The following MRPS18B variants were observed in gnomAD, a reference collection of about 807,000 sequenced individuals.
MRPS18B encodes mitochondrial ribosomal protein S18B.
Under a neutral mutation model 28.4 loss-of-function variants are expected in MRPS18B, and 27 were observed. The ratio of observed to expected loss-of-function variants is 0.95; its 90% confidence interval spans 0.70 to 1.31. The LOEUF is 1.31. MRPS18B is among the 40% of genes most tolerant of loss of function. The pLI is 0.00. For synonymous variants in MRPS18B, 118 were observed against 123.7 expected (o/e 0.95, Z 0.30); for missense variants, 343 against 335.9 (o/e 1.02, Z -0.17).
In MRPS18B at chr6:30,625,505, T is replaced by C; in HGVS notation, c.485T>C (p.Leu162Pro). The C allele has an allele frequency of 1.9e-6, 3 of 1,553,144 alleles. No individual in the cohort carries two copies. The highest frequency in any genetic ancestry group is 2.6e-6 in the Non-Finnish European group (3 of 1,144,984). Reference sequence around the variant, plus strand: ...CTTTTCTTTTTTAATCCCTTAGGTCTCCTCATTTACCACATCCCCCAGGTT... The same window carrying C: ...CTTTTCTTTTTTAATCCCTTAGGTCCCCTCATTTACCACATCCCCCAGGTT... Reference protein sequence around the residue: ...QAIQKARDHGLLIYHIPQVEP... With the variant: ...QAIQKARDHGPLIYHIPQVEP... The change falls in exon 7 of 7, where the codon CTC becomes CCC. Residue 162 changes from leucine (L) to proline (P), a missense_variant. Leu to Pro is a moderately conservative substitution (Grantham distance 98, BLOSUM62 -3). Coordinates refer to ENST00000259873, the MANE Select transcript of MRPS18B (RefSeq NM_014046.4).
rs779151147 is a variant in MRPS18B at position 30,617,842 on chromosome 6, T to C, written c.-24T>C. 1 of 1,613,948 alleles carries C rather than the reference T, an allele frequency of 6.2e-7. No homozygotes were observed. The highest frequency in any genetic ancestry group is 1.7e-5 in the Admixed American group (1 of 60,002). ...GCATGCGCAGTTGCCTTTCCGTCAA[T>C]TCCTGTCCTGGGCGTACGTCAAGAT... On this transcript the variant is annotated 5_prime_UTR_variant, in exon 1 of 7. Transcript: ENST00000259873.
chr6:30,624,637 T>C (rs2270172), intron 5 of MRPS18B, among the ~76,000 whole-genome samples: 7,883 of 152,160 alleles, frequency 0.052, 343 homozygotes, highest in African/African-American at 0.11. Flanking sequence ...GTCTTGGAGG[T>C]TTTACCATTA....
In MRPS18B at chr6:30,622,919, C is replaced by G. The variant is rs188964349; in HGVS notation, c.421+21C>G. 4 of 1,609,692 alleles carry G rather than the reference C, an allele frequency of 2.5e-6. No individual in the cohort carries two copies. In the Admixed American group the frequency reaches 5.0e-5, roughly 20 times the overall value. Reference sequence around the variant, plus strand: ...CACAGGTTAGCCCATCATCCCTGCACCACCAGAGAGCTTTTCCTTGTGGCA... The same window carrying G: ...CACAGGTTAGCCCATCATCCCTGCAGCACCAGAGAGCTTTTCCTTGTGGCA... On this transcript the variant is annotated intron_variant, in intron 5 of 6. Coordinates refer to ENST00000259873, the MANE Select transcript of MRPS18B (RefSeq NM_014046.4).
intron 6 of MRPS18B, among the ~76,000 whole-genome samples, chr6:30,625,152 C>A (rs1250672880): frequency 6.6e-6 from 1 of 152,194 alleles, no homozygotes; most frequent in African/African-American, 2.4e-5. Flanking sequence ...ATCCTTTTCC[C>A]TCCTATTTTA....
intron 1 of MRPS18B, 133 bp downstream of exon 1, chr6:30,618,076 A>G (rs1479070741): frequency 1.3e-5 from 11 of 849,684 alleles, no homozygotes; most frequent in Non-Finnish European, 2.0e-5. Flanking sequence ...TACTTCCTGC[A>G]ACCCCCCCCC....
intron 4 of MRPS18B, among the ~76,000 whole-genome samples, chr6:30,620,483 C>T (rs1019603038): frequency 6.6e-6 from 1 of 152,102 alleles, no homozygotes; most frequent in South Asian, 2.1e-4. Flanking sequence ...AACATCCCTC[C>T]AGCCTTTTAC....
At chr6:30,618,143 C>T (rs1444026206) in intron 1 of MRPS18B, among the ~76,000 whole-genome samples, 200 bp downstream of exon 1, 1 of 149,966 alleles carries the variant, frequency 6.7e-6, no homozygotes, top group East Asian at 2.0e-4. Context: ...GGTTAGGTAT[C>T]ATCCTTTTTC....
intron 1 of MRPS18B, among the ~76,000 whole-genome samples, chr6:30,618,883 T>C (rs2127462526): frequency 6.6e-6 from 1 of 152,306 alleles, no homozygotes; most frequent in South Asian, 2.1e-4. Flanking sequence ...AGTCAATTTA[T>C]TTCCAAAAAG....
chr6:30,626,021 C>A lies in MRPS18B; in HGVS notation c.*224C>A. 2.0e-6 allele frequency: 1 copy of A among 509,640 alleles called. No individual in the cohort carries two copies. The highest frequency in any genetic ancestry group is 3.4e-6 in the Non-Finnish European group (1 of 290,984). The allele number at this position is 509,640 out of a possible 1,614,324, so 31.6% of individuals were successfully genotyped here. A position where few individuals can be genotyped will look rare whatever the true frequency, so the allele number is the denominator to read the frequency against. ...GGAGGCTAAGGTAGGATCACTTGAT[C>A]CCAGGAGGCGGAGGTTGCAGTGAGT... On this transcript the variant is annotated 3_prime_UTR_variant, in exon 7 of 7. Coordinates refer to ENST00000259873, the MANE Select transcript of MRPS18B (RefSeq NM_014046.4).
In MRPS18B at chr6:30,619,578, C is replaced by G; in HGVS notation, c.164C>G (p.Pro55Arg). 1 of 1,612,780 alleles carries G rather than the reference C, an allele frequency of 6.2e-7. No individual in the cohort carries two copies. Among genetic ancestry groups the G allele is most frequent in the Non-Finnish European group, 8.5e-7 (1 of 1,179,840 alleles). The change falls in exon 2 of 7, where the codon CCC (proline) becomes CGC (arginine). Residue 55 changes from proline (P) to arginine (R), a missense_variant. Coordinates refer to ENST00000259873, the MANE Select transcript of MRPS18B (RefSeq NM_014046.4). ...SVPISPYKDE[P>R]WKYLESEEYQ... ...CCCATTTCTCCTTATAAGGATGAGCCCTGGAAATATCTGGAATCAGAAGGT... is the reference window on the plus strand; with the variant it reads ...CCCATTTCTCCTTATAAGGATGAGCGCTGGAAATATCTGGAATCAGAAGGT...
chr6:30,620,169 T>G, intron 4 of MRPS18B, 180 bp downstream of exon 4: 1 of 589,690 alleles, frequency 1.7e-6, no homozygotes. Flanking sequence ...TACAAAAAAT[T>G]AGCCGGTTGT....
chr6:30,619,800 ATGTAT>A lies in MRPS18B; in HGVS notation c.283_285+2del, dbSNP rs1761028619. On this transcript the variant is annotated frameshift_variant and splice_region_variant, in exon 3 of 7. Transcript: ENST00000259873. LOFTEE classifies it high-confidence loss of function. ...TACCCCCACAGCGGACTCGGAAGAC[ATGTAT>A]TGTGAGTTTCTGAGAGTGGGATGTG... is the stretch of plus-strand genomic sequence containing the variant. 1.2e-6 allele frequency: 2 copies of A among 1,614,050 alleles called. No homozygotes were observed. Among genetic ancestry groups the A allele is most frequent in the Non-Finnish European group, 8.5e-7 (1 of 1,179,978 alleles).
At chr6:30,618,030 G>C in intron 1 of MRPS18B, 87 bp downstream of exon 1, 1 of 1,410,186 alleles carries the variant, frequency 7.1e-7, no homozygotes, top group African/African-American at 1.4e-5. Context: ...TCCACGAGTG[G>C]AGACCTTCCC....
At chr6:30,620,347 TAAAAA>T (rs1023322634) in intron 4 of MRPS18B, among the ~76,000 whole-genome samples, 35 of 151,688 alleles carry the variant, frequency 2.3e-4, no homozygotes, top group African/African-American at 7.5e-4. Flanking sequence ...TAAAAAAAAT[TAAAAA>T]GAAAAATAAA....
chr6:30,620,495 T>A (rs1761088011), intron 4 of MRPS18B, among the ~76,000 whole-genome samples: 1 of 152,118 alleles, frequency 6.6e-6, no homozygotes, highest in African/African-American at 2.4e-5. Context: ...GCCTTTTACC[T>A]TCTACTATGG....
In MRPS18B at chr6:30,625,537, C is replaced by T. The variant is rs760083966; in HGVS notation, c.517C>T (p.Arg173Trp). 21 of 1,582,892 alleles carry T rather than the reference C, an allele frequency of 1.3e-5. No individual in the cohort carries two copies. Among genetic ancestry groups the T allele is most frequent in the South Asian group, 2.2e-5 (2 of 89,888 alleles). ...LIYHIPQVEP[R>W]DLDFSTSHGA... is the part of the protein sequence containing the mutation. ...TTACCACATCCCCCAGGTTGAACCA[C>T]GGGACCTTGACTTCAGTACCTCTCA... The change falls in exon 7 of 7, where the codon CGG (arginine) becomes TGG (tryptophan). Residue 173 changes from arginine to tryptophan, a missense_variant. By Grantham distance (101) the Arg-to-Trp change is moderately radical. Transcript: ENST00000259873.
At chr6:30,618,071 C>T (rs1460714987) in intron 1 of MRPS18B, 128 bp downstream of exon 1, 6 of 912,516 alleles carry the variant, frequency 6.6e-6, no homozygotes, top group South Asian at 1.5e-5. Flanking sequence ...GGCAGTACTT[C>T]CTGCAACCCC....
chr6:30,618,808 T>C (rs1040410074), intron 1 of MRPS18B, among the ~76,000 whole-genome samples: 4 of 152,150 alleles, frequency 2.6e-5, no homozygotes, highest in Non-Finnish European at 5.9e-5. Flanking sequence ...CTGCATCCCC[T>C]CCCCACCACA....
chr6:30,624,224 C>G (rs1372230326), intron 5 of MRPS18B, among the ~76,000 whole-genome samples: 1 of 152,114 alleles, frequency 6.6e-6, no homozygotes, highest in East Asian at 1.9e-4. Flanking sequence ...TCCCAAGTAG[C>G]TGGGATTACA....
Sources: gnomAD v4.1 joint callset for allele counts (sites outside exome capture counted in the v4.1 genomes callset) on GRCh38, gnomAD v4.1.1 for gene constraint, MANE v1.5 for transcripts, NCBI Gene and HGNC (gene_info 2026-07-23, HGNC 2026-07-21) for gene names.